Variants in TPTE2 observed in about 807,000 individuals in gnomAD.
TPTE2 encodes the protein transmembrane phosphoinositide 3-phosphatase and tensin homolog 2.
In TPTE2, 53 loss-of-function variants were observed where a neutral mutation model predicts 78.6. That is an observed-to-expected ratio of 0.67 (90% CI 0.54 to 0.85). The LOEUF is 0.85. TPTE2 is among the 40% of genes least tolerant of loss of function. TPTE2 has a pLI of 0.00. For missense variants in TPTE2, 461 were observed against 623.0 expected (o/e 0.74, Z 2.77); for synonymous variants, 175 against 206.2 (o/e 0.85, Z 1.30).
upstream of TPTE2, among the ~76,000 whole-genome samples, chr13:19,504,689 C>T (rs1868874834): frequency 6.6e-6 from 1 of 152,012 alleles, no homozygotes; most frequent in Admixed American, 6.6e-5. Context: ...CCTTTTTTAT[C>T]CAATTTAATC....
At chr13:19,450,425 T>C in intron 11 of TPTE2, 81 bp from the exon 15 acceptor site, 5 of 1,279,346 alleles carry the variant, frequency 3.9e-6, no homozygotes, top group Non-Finnish European at 5.4e-6. Context: ...TTAACATATC[T>C]TATTAGAATT....
chr13:19,506,870 C>G (rs546798972), upstream of TPTE2, among the ~76,000 whole-genome samples: 8 of 152,160 alleles, frequency 5.3e-5, no homozygotes, highest in Non-Finnish European at 8.8e-5. Context: ...CTGGTAGAAT[C>G]TCATACACAG....
chr13:19,451,745 G>GGAGAC (rs1448975823), intron 10 of TPTE2, among the ~76,000 whole-genome samples: 3 of 151,210 alleles, frequency 2.0e-5, no homozygotes, highest in Non-Finnish European at 4.4e-5. Flanking sequence ...GTAACAATAT[G>GGAGAC]GAGACTTTTT....
chr13:19,544,934 TCA>T, the TPTE2 span, among the ~76,000 whole-genome samples: 11,578 of 142,136 alleles, frequency 0.081, 476 homozygotes, highest in Middle Eastern at 0.12. Context: ...ACGTGCACAC[TCA>T]CACACACACA....
chr13:19,481,102 T>A (rs1222341551), intron 4 of TPTE2, among the ~76,000 whole-genome samples: 1 of 152,218 alleles, frequency 6.6e-6, no homozygotes, highest in African/African-American at 2.4e-5. Flanking sequence ...ATAAGTATGG[T>A]CTCATATCTG....
At chr13:19,545,001 C>A in the TPTE2 span, among the ~76,000 whole-genome samples, 1 of 151,450 alleles carries the variant, frequency 6.6e-6, no homozygotes, top group East Asian at 1.9e-4. Context: ...AGGACTTAAA[C>A]TGTGGCAAAC....
intron 13 of TPTE2, among the ~76,000 whole-genome samples, chr13:19,449,516 G>A (rs1820150934): frequency 6.6e-6 from 1 of 152,152 alleles, no homozygotes; most frequent in Non-Finnish European, 1.5e-5. Flanking sequence ...GTACAACATA[G>A]TGACCACAGT....
At chr13:19,430,079 T>C (rs1401005057) in intron 17 of TPTE2, among the ~76,000 whole-genome samples, 2 of 152,182 alleles carry the variant, frequency 1.3e-5, no homozygotes, top group African/African-American at 2.4e-5. Context: ...GTGGTTTTCA[T>C]GCACACTAAA....
chr13:19,530,316 CCT>C (rs1446339038), intron 1 of TPTE2, among the ~76,000 whole-genome samples: 2 of 152,000 alleles, frequency 1.3e-5, no homozygotes, highest in African/African-American at 4.8e-5. Context: ...CAAGCAGGAC[CCT>C]GTCAGTGGTG....
At chr13:19,543,545 G>A in the TPTE2 span, among the ~76,000 whole-genome samples, 1,031 of 141,902 alleles carry the variant, frequency 7.3e-3, 9 homozygotes, top group African/African-American at 0.024. Context: ...TAGTAGAGAC[G>A]GGGTTTCACC....
chr13:19,523,235 T>C (rs998249611), intron 1 of TPTE2, among the ~76,000 whole-genome samples: 1 of 152,146 alleles, frequency 6.6e-6, no homozygotes, highest in Admixed American at 6.5e-5. Flanking sequence ...AAGGCTACCA[T>C]GGAGCTGGAA....
chr13:19,510,067 A>T (rs956363677), intron 1 of TPTE2, among the ~76,000 whole-genome samples: 3 of 152,240 alleles, frequency 2.0e-5, no homozygotes, highest in Admixed American at 6.5e-5. Context: ...TAATAAGGCA[A>T]AAAGTTCTGT....
At chr13:19,456,793 AGT>A (rs1009608719) in intron 10 of TPTE2, among the ~76,000 whole-genome samples, 24 of 151,606 alleles carry the variant, frequency 1.6e-4, no homozygotes, top group African/African-American at 5.6e-4. Flanking sequence ...TGTGGGTTTG[AGT>A]GTGTGTGTGT....
At chr13:19,515,823 T>G (rs902610397) in intron 1 of TPTE2, among the ~76,000 whole-genome samples, 4 of 152,212 alleles carry the variant, frequency 2.6e-5, no homozygotes, top group African/African-American at 9.6e-5. Flanking sequence ...AGACATCCTC[T>G]ACTGAGGAAG....
At chr13:19,496,812 A>G (rs1231382790) in intron 1 of TPTE2, among the ~76,000 whole-genome samples, 2 of 152,198 alleles carry the variant, frequency 1.3e-5, no homozygotes, top group Non-Finnish European at 2.9e-5. Flanking sequence ...ATGGCCGAAC[A>G]GGAACAGCTC....
upstream of TPTE2, among the ~76,000 whole-genome samples, chr13:19,537,560 GTT>G (rs1871280776): frequency 4.5e-4 from 1 of 2,246 alleles, no homozygotes; most frequent in African/African-American, 5.4e-4. Flanking sequence ...TTAGAAGTTT[GTT>G]TGTTTGTTTG....
intron 1 of TPTE2, among the ~76,000 whole-genome samples, chr13:19,526,648 G>T (rs182078357): frequency 2.6e-5 from 4 of 152,154 alleles, no homozygotes; most frequent in African/African-American, 9.6e-5. Flanking sequence ...AAAACAATCT[G>T]TGCATCAAAC....
chr13:19,438,440 C>A (rs1593353337), intron 13 of TPTE2: 1 of 985,180 alleles, frequency 1.0e-6, no homozygotes, highest in Admixed American at 6.1e-5. Context: ...CAATTCATGT[C>A]TTTTATAATT....
chr13:19,551,358 G>A, the TPTE2 span, among the ~76,000 whole-genome samples: 1 of 152,262 alleles, frequency 6.6e-6, no homozygotes, highest in East Asian at 1.9e-4. Flanking sequence ...GGGAGGCCAA[G>A]GTGGACGGAT....
Sources: gnomAD v4.1 joint callset for allele counts (sites outside exome capture counted in the v4.1 genomes callset) on GRCh38, gnomAD v4.1.1 for gene constraint, MANE v1.5 for transcripts, NCBI Gene and HGNC (gene_info 2026-07-23, HGNC 2026-07-21) for gene names.